The following MAPKAPK2 variants were observed in gnomAD, a reference collection of about 807,000 sequenced individuals.
The protein encoded by MAPKAPK2 is MAPK activated protein kinase 2.
A neutral mutation model predicts 48.8 loss-of-function variants in MAPKAPK2; 9 were observed. The ratio of observed to expected loss-of-function variants is 0.18; its 90% CI spans 0.11 to 0.32. The LOEUF (loss-of-function observed/expected upper bound fraction) is 0.32, where lower values mean the gene tolerates loss of function less well. Among genes scored for constraint, MAPKAPK2 ranks in the 10% least tolerant of loss-of-function variants. MAPKAPK2 has a pLI of 1.00. For missense variants in MAPKAPK2, 331 were observed against 498.3 expected (o/e 0.66, Z 3.20); for synonymous variants, 202 against 190.6 (o/e 1.06, Z -0.49).
chr1:206,722,228 T>C (rs1358711020), intron 1 of MAPKAPK2, among the ~76,000 whole-genome samples: 1 of 151,360 alleles, frequency 6.6e-6, no homozygotes, highest in Non-Finnish European at 1.5e-5. Flanking sequence ...GGCGTGGTGG[T>C]GGGCACCTAT....
At chr1:206,708,103 A>G (rs1016663817) in intron 1 of MAPKAPK2, among the ~76,000 whole-genome samples, 1 of 152,250 alleles carries the variant, frequency 6.6e-6, no homozygotes, top group Non-Finnish European at 1.5e-5. Flanking sequence ...CAGAACAAGA[A>G]CTAACAACAG....
rs570239085 is a variant in MAPKAPK2 at position 206,704,216 on chromosome 1, C to A, written c.279+18708C>A. 6.6e-6 allele frequency among the ~76,000 whole-genome samples: 1 copy of A among 152,016 alleles called. No individual in the cohort carries two copies. Among genetic ancestry groups the A allele is most frequent in the South Asian group, 2.1e-4 (1 of 4,826 alleles). On this transcript the variant is annotated intron_variant, in intron 1 of 9. Transcript: ENST00000367103. The surrounding 1 kb of genome is among the most constrained non-coding windows in gnomAD (Gnocchi z 4.3). ...GAGATATGTCATTTGAATATGAACG[C>A]ACTAGACTTTCTGGGAAATGTTGAA...
chr1:206,731,045 AAGG>A lies in MAPKAPK2; in HGVS notation c.768-90_768-88del, dbSNP rs1673885956. 13 of 1,528,684 alleles carry A rather than the reference AAGG, an allele frequency of 8.5e-6. No individual in the cohort carries two copies. The highest frequency in any genetic ancestry group is 1.7e-5 in the Admixed American group (1 of 59,504). The allele number at this position is 1,528,684 out of a possible 1,614,324, so 94.7% of individuals were successfully genotyped here. A position where few individuals can be genotyped will look rare whatever the true frequency, so the allele number is the denominator to read the frequency against. ...GCCCTGATTTCTCTGTGACCTTTAC[AAGG>A]AGAAGAGCCTGTTTCTCATCCTGTT... is the stretch of plus-strand genomic sequence containing the variant. On this transcript the variant is annotated intron_variant, in intron 6 of 9. Transcript: ENST00000367103. The surrounding 1 kb of genome is among the most constrained non-coding windows in gnomAD (Gnocchi z 5.9).
chr1:206,694,523 C>T (rs781904197), intron 1 of MAPKAPK2, among the ~76,000 whole-genome samples: 10 of 152,222 alleles, frequency 6.6e-5, no homozygotes, highest in African/African-American at 2.2e-4. Flanking sequence ...TTCCCTATCC[C>T]GACTGCCTTC....
chr1:206,699,482 T>C (rs1672733546), intron 1 of MAPKAPK2, among the ~76,000 whole-genome samples: 1 of 152,194 alleles, frequency 6.6e-6, no homozygotes, highest in Admixed American at 6.5e-5. Context: ...TGGGGCTCCG[T>C]ATTTTGTCTG....
intron 4 of MAPKAPK2, 37 bp downstream of exon 4, chr1:206,729,512 G>T (rs782331780): frequency 4.4e-6 from 7 of 1,583,160 alleles, no homozygotes; most frequent in Non-Finnish European, 6.1e-6. Flanking sequence ...CGAGTGCTGT[G>T]GGGGGCAACA....
chr1:206,728,986 T>C lies in MAPKAPK2; in HGVS notation c.420-49T>C, dbSNP rs371972979. 15 of 1,611,232 alleles carry C rather than the reference T, an allele frequency of 9.3e-6. No homozygotes were observed. In the African/African-American group the frequency reaches 1.7e-4, roughly 19 times the overall value. Reference sequence around the variant, plus strand: ...TGATTTTTTGGGGGGCAGTGGAGAGTGGCGGCGGGCTGTTGTGTTCTCTGG... The same window carrying C: ...TGATTTTTTGGGGGGCAGTGGAGAGCGGCGGCGGGCTGTTGTGTTCTCTGG... On this transcript the variant is annotated intron_variant, in intron 2 of 9. Coordinates refer to ENST00000367103, the MANE Select transcript of MAPKAPK2 (RefSeq NM_032960.4).
At chr1:206,688,262 C>G (rs1672344747) in intron 1 of MAPKAPK2, among the ~76,000 whole-genome samples, 1 of 152,212 alleles carries the variant, frequency 6.6e-6, no homozygotes, top group East Asian at 1.9e-4. Context: ...GAGGGAGTGA[C>G]TTGTTCAAGG....
intron 1 of MAPKAPK2, among the ~76,000 whole-genome samples, chr1:206,700,269 C>T (rs1672759590): frequency 6.6e-6 from 1 of 152,120 alleles, no homozygotes; most frequent in African/African-American, 2.4e-5. Flanking sequence ...GAGAGAGAAT[C>T]CTCTCCTTTG....
chr1:206,706,112 T>TTTTA (rs1672946955), intron 1 of MAPKAPK2, among the ~76,000 whole-genome samples: 1 of 133,156 alleles, frequency 7.5e-6, no homozygotes, highest in East Asian at 2.2e-4. Context: ...ATTTCCTATC[T>TTTTA]CTTATTTATT....
intron 1 of MAPKAPK2, among the ~76,000 whole-genome samples, chr1:206,695,040 C>A (rs1232067105): frequency 1.3e-5 from 2 of 152,224 alleles, no homozygotes; most frequent in Non-Finnish European, 2.9e-5. Context: ...CCTTTGTGTT[C>A]TCTTCCCCTG....
At chr1:206,686,167 C>T (rs1672282912) in intron 1 of MAPKAPK2, among the ~76,000 whole-genome samples, 2 of 152,162 alleles carry the variant, frequency 1.3e-5, no homozygotes, top group Admixed American at 1.3e-4. Context: ...CCTCCCACGC[C>T]CGCGCGGGGC....
Position 206,732,119 on chromosome 1 carries a change from C to G in MAPKAPK2, c.1059+200C>G. 1 of 1,614,186 alleles carries G rather than the reference C, an allele frequency of 6.2e-7. No homozygotes were observed. The highest frequency in any genetic ancestry group is 8.5e-7 in the Non-Finnish European group (1 of 1,180,020). On this transcript the variant is annotated intron_variant, in intron 9 of 9. Transcript: ENST00000367103. This position sits in a 1 kb window ranked among gnomAD's most constrained non-coding sequence, Gnocchi z 4.4. The stretch of plus-strand genomic sequence containing the variant: ...AGAGGATTCTGTGTTCCTGTCCAAA[C>G]TCAGTGCTGTTTCTTAGAATCCTTT...
chr1:206,721,822 C>T (rs1255961621), intron 1 of MAPKAPK2, among the ~76,000 whole-genome samples: 1 of 152,174 alleles, frequency 6.6e-6, no homozygotes, highest in Non-Finnish European at 1.5e-5. Flanking sequence ...TCACATAAAA[C>T]TTTTGATCTG....
intron 1 of MAPKAPK2, among the ~76,000 whole-genome samples, chr1:206,723,752 G>A (rs1553431540): frequency 6.6e-6 from 1 of 152,218 alleles, no homozygotes; most frequent in South Asian, 2.1e-4. Context: ...AGGGGGAGGG[G>A]TCCTGTCCTT....
intron 3 of MAPKAPK2, 126 bp from the exon 4 acceptor site, chr1:206,729,270 G>T (rs1673817586): frequency 2.8e-6 from 3 of 1,088,292 alleles, no homozygotes; most frequent in Non-Finnish European, 4.2e-6. Flanking sequence ...CTTTGTTTCT[G>T]GGGTGGGTGG....
At chr1:206,717,977 A>G (rs550470418) in intron 1 of MAPKAPK2, among the ~76,000 whole-genome samples, 71 of 152,306 alleles carry the variant, frequency 4.7e-4, no homozygotes, top group South Asian at 4.1e-4. Context: ...TTAAACATCT[A>G]CAATTTCATA....
rs782170366 is a variant in MAPKAPK2, at chr1:206,730,809, G to A, written c.767+46G>A. On this transcript the variant is annotated intron_variant, in intron 6 of 9. Transcript: ENST00000367103. ...GCTGGGTGGGGCAGGGAGTCAGGGCGGCCTGTACTTCTCCAGGACAAGAGG... is the reference window on the plus strand; with the variant it reads ...GCTGGGTGGGGCAGGGAGTCAGGGCAGCCTGTACTTCTCCAGGACAAGAGG... 7.0e-6 allele frequency: 11 copies of A among 1,578,782 alleles called. No individual in the cohort carries two copies. In the Admixed American group the frequency reaches 1.0e-4, roughly 14 times the overall value.
At chr1:206,708,466 G>A (rs1296281194) in intron 1 of MAPKAPK2, among the ~76,000 whole-genome samples, 3 of 152,136 alleles carry the variant, frequency 2.0e-5, no homozygotes, top group Admixed American at 1.3e-4. Context: ...ATGTCTCTAC[G>A]TGTTTCAATC....
Sources: allele counts gnomAD v4.1 joint callset (sites outside exome capture counted in the v4.1 genomes callset), GRCh38; gene constraint gnomAD v4.1.1; non-coding constraint Gnocchi (gnomAD v3.1); transcripts MANE v1.5; gene names NCBI Gene and HGNC (gene_info 2026-07-23, HGNC 2026-07-21).